Variants in CNTN6 observed in about 807,000 individuals in gnomAD.
The protein encoded by CNTN6 is contactin-6.
CNTN6 carries 137 observed loss-of-function variants against 122.8 expected under a neutral mutation model. The observed-to-expected ratio is 1.12, with a 90% CI of 0.97 to 1.29. The LOEUF (loss-of-function observed/expected upper bound fraction) is 1.29, where lower values mean the gene tolerates loss of function less well. Ranked by LOEUF, CNTN6 falls within the 50% of genes most tolerant of loss-of-function variation. CNTN6 has a pLI of 0.00. For synonymous variants in CNTN6, 570 were observed against 426.0 expected, an observed-to-expected ratio of 1.34 and a Z score of -4.16; for missense variants, 1,634 against 1,223.4, an observed-to-expected ratio of 1.34 and a Z score of -5.01.
chr3:1,255,428 AGAAAG>A lies in CNTN6; in HGVS notation c.359-22984_359-22980del, dbSNP rs1559625160. On this transcript the variant is annotated intron_variant, in intron 4 of 22. Transcript: ENST00000446702. Reference sequence around the variant, plus strand: ...GACATTTGAAAATGGAAAAAAAAAAAGAAAGAAAGAAAGAAAGAAAGGAATTGTGG... The same window carrying A: ...GACATTTGAAAATGGAAAAAAAAAAAAAAGAAAGAAAGAAAGGAATTGTGG... 2.6e-4 allele frequency among the ~76,000 whole-genome samples: 35 copies of A among 132,178 alleles called. No homozygotes were observed. The East Asian group carries it at 8.0e-3, about 30-fold the overall frequency. The allele number at this position is 132,178 out of a possible 152,430, so 86.7% of individuals were successfully genotyped here.
intron 1 of CNTN6, among the ~76,000 whole-genome samples, chr3:1,095,360 A>G (rs1048077721): frequency 2.0e-5 from 3 of 152,128 alleles, no homozygotes; most frequent in African/African-American, 7.2e-5. Context: ...AGTCACAGCT[A>G]CTCAGGAAGC....
chr3:1,102,220 G>T (rs192090900), intron 1 of CNTN6, among the ~76,000 whole-genome samples: 1 of 152,168 alleles, frequency 6.6e-6, no homozygotes, highest in Non-Finnish European at 1.5e-5. Flanking sequence ...TATGTCTAAT[G>T]TGGTTGTGTA....
intron 2 of CNTN6, among the ~76,000 whole-genome samples, chr3:1,153,191 G>T (rs1179468223): frequency 1.3e-5 from 2 of 152,188 alleles, no homozygotes; most frequent in Non-Finnish European, 2.9e-5. Flanking sequence ...CAGTTATTCA[G>T]TATGAGACTT....
At chr3:1,148,403 ATAAT>A (rs1163332508) in intron 2 of CNTN6, among the ~76,000 whole-genome samples, 2 of 151,854 alleles carry the variant, frequency 1.3e-5, no homozygotes, top group East Asian at 1.9e-4. Context: ...TAAACAGTGA[ATAAT>A]TATTCTTATT....
At chr3:1,159,007 A>C (rs2093059699) in intron 2 of CNTN6, among the ~76,000 whole-genome samples, 1 of 146,170 alleles carries the variant, frequency 6.8e-6, no homozygotes, top group African/African-American at 2.6e-5. Flanking sequence ...CTAATTCTTA[A>C]ACTCCTGGCC....
chr3:1,129,807 TA>T (rs1412571071), intron 1 of CNTN6, among the ~76,000 whole-genome samples: 1 of 152,088 alleles, frequency 6.6e-6, no homozygotes, highest in African/African-American at 2.4e-5. Flanking sequence ...TCTATATATT[TA>T]TCAATAGTTA....
chr3:1,380,874 A>C (rs1043876446), intron 17 of CNTN6, among the ~76,000 whole-genome samples: 8 of 152,188 alleles, frequency 5.3e-5, no homozygotes, highest in Non-Finnish European at 1.0e-4. Context: ...ATCAATTTTC[A>C]TAGATTTTAC....
At chr3:1,383,674 C>T (rs1190285753) in intron 19 of CNTN6, among the ~76,000 whole-genome samples, 5 of 150,532 alleles carry the variant, frequency 3.3e-5, no homozygotes, top group Non-Finnish European at 7.4e-5. Flanking sequence ...CAAAAAAAAA[C>T]AGCTTTATTG....
chr3:1,239,418 A>G (rs1310942383), intron 4 of CNTN6, among the ~76,000 whole-genome samples: 1 of 144,424 alleles, frequency 6.9e-6, no homozygotes, highest in East Asian at 2.1e-4. Flanking sequence ...CCCCTTTCAC[A>G]ATATCTGCAA....
chr3:1,385,154 C>T (rs1296283084), intron 19 of CNTN6, among the ~76,000 whole-genome samples: 3 of 151,332 alleles, frequency 2.0e-5, no homozygotes, highest in African/African-American at 7.3e-5. Context: ...TTCAATGTAC[C>T]TAAAACAATG....
At chr3:1,182,688 T>A (rs2093573647) in intron 2 of CNTN6, among the ~76,000 whole-genome samples, 1 of 152,026 alleles carries the variant, frequency 6.6e-6, no homozygotes, top group Non-Finnish European at 1.5e-5. Flanking sequence ...ACATTTCATA[T>A]GAGTAAAAGA....
chr3:1,096,295 A>C (rs543996230), intron 1 of CNTN6, among the ~76,000 whole-genome samples: 92 of 151,950 alleles, frequency 6.1e-4, no homozygotes, highest in Middle Eastern at 3.4e-3. Context: ...GTTTGCTTTT[A>C]CAGAATATTC....
At position 1,168,715 on chromosome 3, in the gene CNTN6, C is replaced by T. The variant is rs560844853; in HGVS notation, c.55+20652C>T. 1.4e-4 allele frequency among the ~76,000 whole-genome samples: 21 copies of T among 152,092 alleles called. 1 individual carries two copies. The highest frequency in any genetic ancestry group is 6.8e-3 in the Middle Eastern group (2 of 294). On this transcript the variant is annotated intron_variant, in intron 2 of 22. Coordinates refer to ENST00000446702, the MANE Select transcript of CNTN6 (RefSeq NM_001289080.2). ...GGTAACACAAGAGTACCTGGGGGTG[C>T]TGAGATCTGAACTCAAGCACACATA...
intron 4 of CNTN6, among the ~76,000 whole-genome samples, chr3:1,269,899 T>C (rs1476527882): frequency 6.6e-6 from 1 of 152,194 alleles, no homozygotes; most frequent in Non-Finnish European, 1.5e-5. Flanking sequence ...AAAATTCTTT[T>C]ACACCCCCAA....
intron 5 of CNTN6, among the ~76,000 whole-genome samples, chr3:1,282,009 CAT>C (rs1238701029): frequency 6.9e-6 from 1 of 145,264 alleles, no homozygotes; most frequent in African/African-American, 2.5e-5. Flanking sequence ...CACACACACA[CAT>C]AACTTTATAG....
At chr3:1,362,457 C>T (rs1390015370) in intron 12 of CNTN6, among the ~76,000 whole-genome samples, 2 of 152,026 alleles carry the variant, frequency 1.3e-5, no homozygotes, top group Non-Finnish European at 2.9e-5. Context: ...AAGGAAATGG[C>T]ATCTGTTAAA....
intron 20 of CNTN6, among the ~76,000 whole-genome samples, chr3:1,400,768 A>T (rs150977732): frequency 2.0e-5 from 3 of 152,192 alleles, no homozygotes; most frequent in Admixed American, 2.0e-4. Context: ...AACAGTCATG[A>T]TTTCTGCCGT....
At chr3:1,247,174 T>G (rs2094594103) in intron 4 of CNTN6, among the ~76,000 whole-genome samples, 1 of 151,866 alleles carries the variant, frequency 6.6e-6, no homozygotes, top group Non-Finnish European at 1.5e-5. Flanking sequence ...TTTTATTTAT[T>G]TATTCATTTA....
intron 7 of CNTN6, among the ~76,000 whole-genome samples, chr3:1,321,387 A>G (rs181952991): frequency 1.3e-5 from 2 of 148,824 alleles, no homozygotes; most frequent in Non-Finnish European, 3.0e-5. Context: ...AAGCAACATA[A>G]GGGCAGAGGA....
Sources: allele counts gnomAD v4.1 joint callset (sites outside exome capture counted in the v4.1 genomes callset), GRCh38; gene constraint gnomAD v4.1.1; transcripts MANE v1.5; gene names NCBI Gene and HGNC (gene_info 2026-07-23, HGNC 2026-07-21).